Variants in VKORC1L1 observed in about 807,000 individuals in gnomAD.
VKORC1L1 encodes vitamin K epoxide reductase complex subunit 1-like protein 1.
A neutral mutation model predicts 18.9 loss-of-function variants in VKORC1L1; 2 were observed. That is an observed-to-expected ratio of 0.11 (90% CI 0.04 to 0.33). VKORC1L1 has a LOEUF of 0.33. Ranked by LOEUF, VKORC1L1 falls within the 10% of genes least tolerant of loss-of-function variation. VKORC1L1 has a pLI of 1.00. For synonymous variants in VKORC1L1, 96 were observed against 100.0 expected, an observed-to-expected ratio of 0.96 and a Z score of 0.24; for missense variants, 123 against 224.1, an observed-to-expected ratio of 0.55 and a Z score of 2.88.
chr7:65,887,726 C>T (rs1333365412), intron 1 of VKORC1L1, among the ~76,000 whole-genome samples: 1 of 152,180 alleles, frequency 6.6e-6, no homozygotes, highest in African/African-American at 2.4e-5. Flanking sequence ...AGTTCTCACA[C>T]AAGTGTCTCA....
intron 2 of VKORC1L1, among the ~76,000 whole-genome samples, chr7:65,949,396 T>C (rs1790176030): frequency 6.6e-6 from 1 of 151,984 alleles, no homozygotes; most frequent in South Asian, 2.1e-4. Flanking sequence ...GGAGAGTCAC[T>C]TGAACCCGGG....
intron 1 of VKORC1L1, among the ~76,000 whole-genome samples, chr7:65,933,391 T>G (rs1443423250): frequency 6.6e-6 from 1 of 152,210 alleles, no homozygotes; most frequent in Non-Finnish European, 1.5e-5. Flanking sequence ...CTTTCTTCTC[T>G]GGTAAGTTCC....
chr7:65,866,555 A>G, the VKORC1L1 span, among the ~76,000 whole-genome samples: 2 of 152,158 alleles, frequency 1.3e-5, no homozygotes, highest in East Asian at 1.9e-4. Context: ...CACACAGGAG[A>G]TTGAGTATTC....
intron 1 of VKORC1L1, among the ~76,000 whole-genome samples, chr7:65,931,652 C>G (rs1045289467): frequency 6.6e-6 from 1 of 151,774 alleles, no homozygotes; most frequent in Non-Finnish European, 1.5e-5. Context: ...TTTTCTTTTT[C>G]TTTTTTTGAG....
rs554431865 is a variant in VKORC1L1, at chr7:65,947,695, AT to A, written c.195-964del. On this transcript the variant is annotated intron_variant, in intron 1 of 2. Coordinates refer to ENST00000360768, the MANE Select transcript of VKORC1L1 (RefSeq NM_173517.6). ...CCTATAGTTTCTGATATTATCCTGCATTTTTTTTTTTTGAAATGGAGTTTTG... is the reference window on the plus strand; with the variant it reads ...CCTATAGTTTCTGATATTATCCTGCATTTTTTTTTTTGAAATGGAGTTTTG... Among the ~76,000 whole-genome samples, 1,080 of 145,492 alleles carry A rather than the reference AT, an allele frequency of 7.4e-3. 11 individuals are homozygous for A. Among genetic ancestry groups the A allele is most frequent in the African/African-American group, 0.022 (886 of 39,918 alleles).
chr7:65,911,116 G>C (rs1257301257), intron 1 of VKORC1L1, among the ~76,000 whole-genome samples: 1 of 152,064 alleles, frequency 6.6e-6, no homozygotes, highest in Non-Finnish European at 1.5e-5. Context: ...GGCATCTTTT[G>C]GTCTTCATCT....
intron 2 of VKORC1L1, among the ~76,000 whole-genome samples, chr7:65,952,484 C>T (rs553980559): frequency 3.3e-5 from 5 of 152,060 alleles, no homozygotes; most frequent in East Asian, 1.9e-4. Context: ...CATCTAGGCC[C>T]GTGGCTGTGC....
Position 65,941,686 on chromosome 7 carries a change from T to G in VKORC1L1, c.195-6985T>G, listed in dbSNP as rs1203464318. Reference sequence around the variant, plus strand: ...CTTTTTCTTAAGGTTTTTTTTTTTTTTTTTTTTTTTTTGAGAGTTTTGCTC... The same window carrying G: ...CTTTTTCTTAAGGTTTTTTTTTTTTGTTTTTTTTTTTTGAGAGTTTTGCTC... On this transcript the variant is annotated intron_variant, in intron 1 of 2. Transcript: ENST00000360768. 1.6e-4 allele frequency among the ~76,000 whole-genome samples: 23 copies of G among 144,008 alleles called. 1 individual carries two copies. In the East Asian group the frequency reaches 3.8e-3, roughly 24 times the overall value. The allele number at this position is 144,008 out of a possible 152,430, so 94.5% of individuals were successfully genotyped here. A position where few individuals can be genotyped will look rare whatever the true frequency, so the allele number is the denominator to read the frequency against.
At chr7:65,926,701 T>C (rs1789770962) in intron 1 of VKORC1L1, among the ~76,000 whole-genome samples, 1 of 152,172 alleles carries the variant, frequency 6.6e-6, no homozygotes, top group South Asian at 2.1e-4. Flanking sequence ...GGCACAAGCC[T>C]AAGTGCCCAC....
At chr7:65,943,295 G>A (rs1278188302) in intron 1 of VKORC1L1, among the ~76,000 whole-genome samples, 4 of 152,172 alleles carry the variant, frequency 2.6e-5, no homozygotes, top group African/African-American at 9.7e-5. Context: ...AAAGAAATTT[G>A]TGGGTAAATA....
chr7:65,943,624 A>G (rs1790071413), intron 1 of VKORC1L1, among the ~76,000 whole-genome samples: 1 of 151,890 alleles, frequency 6.6e-6, no homozygotes, highest in Admixed American at 6.6e-5. Flanking sequence ...TGAAACCCCA[A>G]CTGTACTAAA....
intron 1 of VKORC1L1, among the ~76,000 whole-genome samples, chr7:65,920,597 C>CCTT (rs1789659748): frequency 6.6e-6 from 1 of 152,098 alleles, no homozygotes; most frequent in South Asian, 2.1e-4. Flanking sequence ...TGGGGAGGCT[C>CCTT]CTTCTTGGCC....
chr7:65,889,294 C>T (rs1274883562), intron 1 of VKORC1L1, among the ~76,000 whole-genome samples: 1 of 152,138 alleles, frequency 6.6e-6, no homozygotes, highest in Non-Finnish European at 1.5e-5. Flanking sequence ...ATCTAATTGC[C>T]TACTAGACAT....
At chr7:65,899,243 C>T (rs542032521) in intron 1 of VKORC1L1, among the ~76,000 whole-genome samples, 125 of 152,346 alleles carry the variant, frequency 8.2e-4, no homozygotes, top group Non-Finnish European at 1.6e-3. Flanking sequence ...AGGCCGCAGC[C>T]TCTTGACTCT....
intron 1 of VKORC1L1, among the ~76,000 whole-genome samples, chr7:65,880,615 G>A (rs1413977665): frequency 6.6e-6 from 1 of 152,114 alleles, no homozygotes; most frequent in East Asian, 1.9e-4. Context: ...CAGGAGAATT[G>A]GACCTGAGGT....
intron 1 of VKORC1L1, among the ~76,000 whole-genome samples, chr7:65,892,079 T>G (rs1297836314): frequency 1.3e-5 from 2 of 152,198 alleles, no homozygotes; most frequent in Non-Finnish European, 2.9e-5. Context: ...TAACATAATG[T>G]CCTCCAGTTT....
At chr7:65,942,503 A>G (rs1451579090) in intron 1 of VKORC1L1, among the ~76,000 whole-genome samples, 2 of 151,716 alleles carry the variant, frequency 1.3e-5, no homozygotes, top group Admixed American at 1.3e-4. Context: ...AAAAAAAAAA[A>G]AAAAAAAGAC....
rs533341133 is a variant in VKORC1L1, at chr7:65,955,378, T to C, written c.*1078T>C. On this transcript the variant is annotated 3_prime_UTR_variant, in exon 3 of 3. Transcript: ENST00000360768. ...TGCACTAACCACTCAGATGTCTAAT[T>C]TAATTGTTTTGCAGTCAAATACTGG... The C allele has an allele frequency of 1.3e-5, 2 of 152,302 alleles. No individual in the cohort carries two copies. The highest frequency in any genetic ancestry group is 3.9e-4 in the East Asian group (2 of 5,190). The allele number at this position is 152,302 out of a possible 1,614,324, so 9.4% of individuals were successfully genotyped here. A position where few individuals can be genotyped will look rare whatever the true frequency, so the allele number is the denominator to read the frequency against.
chr7:65,948,077 G>T (rs979282724), intron 1 of VKORC1L1, among the ~76,000 whole-genome samples: 2 of 152,148 alleles, frequency 1.3e-5, no homozygotes, highest in African/African-American at 4.8e-5. Flanking sequence ...TATATTCTTT[G>T]AGTGAATAAA....
Sources: allele counts gnomAD v4.1 joint callset (sites outside exome capture counted in the v4.1 genomes callset), GRCh38; gene constraint gnomAD v4.1.1; transcripts MANE v1.5; gene names NCBI Gene and HGNC (gene_info 2026-07-23, HGNC 2026-07-21).